The following NAV3 variants were observed in gnomAD, a reference collection of about 807,000 sequenced individuals.
NAV3 encodes neuron navigator 3.
A neutral mutation model predicts 244.7 loss-of-function variants in NAV3; 87 were observed. The ratio of observed to expected loss-of-function variants is 0.36; its 90% CI spans 0.30 to 0.42. The LOEUF (loss-of-function observed/expected upper bound fraction) is 0.42. Ranked by LOEUF, NAV3 falls within the 20% of genes least tolerant of loss-of-function variation. NAV3 has a pLI of 1.00. For synonymous variants in NAV3, 1,126 were observed against 1,042.2 expected, an observed-to-expected ratio of 1.08 and a Z score of -1.55; for missense variants, 2,663 against 2,893.3, an observed-to-expected ratio of 0.92 and a Z score of 1.83.
At chr12:78,042,526 C>G (rs1246757333) in intron 9 of NAV3, among the ~76,000 whole-genome samples, 6 of 152,222 alleles carry the variant, frequency 3.9e-5, no homozygotes, top group African/African-American at 1.4e-4. Flanking sequence ...GGCATGGTGG[C>G]TCACGCCTGA....
At chr12:77,968,458 A>G in intron 4 of NAV3, 61 bp from the exon 5 acceptor site, 2 of 1,310,682 alleles carry the variant, frequency 1.5e-6, no homozygotes, top group Non-Finnish European at 2.2e-6. Context: ...TGCATCTAGA[A>G]TTTGTTAAAA....
intron 2 of NAV3, among the ~76,000 whole-genome samples, chr12:77,684,584 A>G (rs971470554): frequency 3.3e-5 from 5 of 152,024 alleles, no homozygotes; most frequent in Non-Finnish European, 5.9e-5. Context: ...CAGCCCCTCA[A>G]ATTGCTAGGA....
chr12:78,143,608 A>G (rs2694673), intron 20 of NAV3, among the ~76,000 whole-genome samples: 48,493 of 143,936 alleles, frequency 0.34, 8,538 homozygotes, highest in East Asian at 0.47. Flanking sequence ...CTGGGCGACA[A>G]AGCCAAACAC....
chr12:77,581,028 G>C (rs1029922111), intron 2 of NAV3, among the ~76,000 whole-genome samples: 2 of 152,174 alleles, frequency 1.3e-5, no homozygotes, highest in Non-Finnish European at 2.9e-5. Context: ...TGGGGATCAA[G>C]AGGGCTTAGA....
chr12:77,961,229 T>C (rs1389326026), intron 3 of NAV3, among the ~76,000 whole-genome samples: 1 of 3,598 alleles, frequency 2.8e-4, no homozygotes, highest in East Asian at 0.12. Context: ...ACTATATATG[T>C]AATAATATAT....
chr12:77,741,988 CA>C (rs538255701), intron 2 of NAV3, among the ~76,000 whole-genome samples: 25 of 152,184 alleles, frequency 1.6e-4, no homozygotes, highest in African/African-American at 6.0e-4. Flanking sequence ...TTTTGACCTT[CA>C]TATACAGCTT....
At chr12:77,964,553 A>G (rs1007852752) in intron 3 of NAV3, among the ~76,000 whole-genome samples, 1 of 152,128 alleles carries the variant, frequency 6.6e-6, no homozygotes, top group African/African-American at 2.4e-5. Context: ...CATCAAATTT[A>G]CCTCATTTCT....
intron 2 of NAV3, among the ~76,000 whole-genome samples, chr12:77,723,692 T>A (rs1467281405): frequency 3.3e-5 from 5 of 151,656 alleles, no homozygotes; most frequent in African/African-American, 9.7e-5. Context: ...TGATCCATAG[T>A]TAGTTGATGC....
chr12:77,733,692 A>G (rs1350730847), intron 2 of NAV3, among the ~76,000 whole-genome samples: 35 of 152,040 alleles, frequency 2.3e-4, no homozygotes, highest in Admixed American at 1.3e-4. Context: ...AAGAGGGGCC[A>G]GATTTCTGAG....
At chr12:78,128,345 G>A (rs1194254308) in intron 17 of NAV3, among the ~76,000 whole-genome samples, 2 of 149,000 alleles carry the variant, frequency 1.3e-5, no homozygotes, top group Non-Finnish European at 3.0e-5. Context: ...CATTTCCCTT[G>A]GCCCTGGCCC....
chr12:78,101,665 A>G (rs914069455), intron 12 of NAV3, among the ~76,000 whole-genome samples: 2 of 152,062 alleles, frequency 1.3e-5, no homozygotes, highest in African/African-American at 2.4e-5. Context: ...ATTGCTTTCT[A>G]TCAATGACCC....
At chr12:77,668,623 A>G (rs1241689893) in intron 2 of NAV3, among the ~76,000 whole-genome samples, 1 of 152,168 alleles carries the variant, frequency 6.6e-6, no homozygotes. Flanking sequence ...AAAGATGAGT[A>G]AAGCCTCCAA....
At chr12:77,863,684 T>A (rs1879590128) in intron 1 of NAV3, among the ~76,000 whole-genome samples, 1 of 151,548 alleles carries the variant, frequency 6.6e-6, no homozygotes, top group African/African-American at 2.4e-5. Flanking sequence ...ATTTCTGTAA[T>A]CTCTAAGTCC....
At chr12:77,838,994 A>G (rs576025181) in intron 1 of NAV3, among the ~76,000 whole-genome samples, 51 of 152,220 alleles carry the variant, frequency 3.4e-4, no homozygotes, top group Non-Finnish European at 4.9e-4. Context: ...CATATTGTCA[A>G]TGTCTTCATC....
rs180946965 is a variant in NAV3, at chr12:77,945,575, A to G, written c.414+4442A>G. On this transcript the variant is annotated intron_variant, in intron 3 of 39. Transcript: ENST00000397909. ...CTTTTACAACTTACATAAGTGTTAC[A>G]TGTATTATTTTATGTACATCAAATA... Among the ~76,000 whole-genome samples, 266 of 152,312 alleles carry G rather than the reference A, an allele frequency of 1.7e-3. 3 individuals are homozygous for G. Among genetic ancestry groups the G allele is most frequent in the African/African-American group, 6.2e-3 (256 of 41,570 alleles).
intron 23 of NAV3, among the ~76,000 whole-genome samples, chr12:78,165,614 A>G (rs1957748126): frequency 2.0e-5 from 3 of 151,890 alleles, no homozygotes. Flanking sequence ...AAAAATTATT[A>G]GTTGCATCTG....
At chr12:78,018,521 A>G (rs532430611) in intron 8 of NAV3, among the ~76,000 whole-genome samples, 3 of 152,350 alleles carry the variant, frequency 2.0e-5, no homozygotes, top group East Asian at 1.9e-4. Flanking sequence ...TAACATGGCC[A>G]GAAACATTCT....
At position 77,833,936 on chromosome 12, in the gene NAV3, G is replaced by T. The variant is rs2370039; in HGVS notation, c.243+2232G>T. On this transcript the variant is annotated intron_variant, in intron 1 of 39. Coordinates refer to ENST00000397909, the MANE Select transcript of NAV3 (RefSeq NM_001024383.2). ...CTGCCGGTGTCTGCAGGTGCCTGTC[G>T]GTGTCCTCTTCTGCTGGTGTGTTCC... Among the ~76,000 whole-genome samples the T allele has an allele frequency of 7.9e-5, 12 of 152,018 alleles. No homozygotes were observed. The South Asian group carries it at 2.5e-3, about 32-fold the overall frequency.
At chr12:78,032,254 G>C (rs1203590787) in intron 9 of NAV3, among the ~76,000 whole-genome samples, 1 of 152,194 alleles carries the variant, frequency 6.6e-6, no homozygotes, top group South Asian at 2.1e-4. Context: ...TTGCAATGCA[G>C]ATGTGTTAGA....
Sources: allele counts gnomAD v4.1 joint callset (sites outside exome capture counted in the v4.1 genomes callset), GRCh38; gene constraint gnomAD v4.1.1; transcripts MANE v1.5; gene names NCBI Gene and HGNC (gene_info 2026-07-23, HGNC 2026-07-21).